Variants in PTPRT observed in about 807,000 individuals in gnomAD.
The protein encoded by PTPRT is protein tyrosine phosphatase receptor type T.
In PTPRT, 56 loss-of-function variants were observed where a neutral mutation model predicts 176.8. The observed-to-expected ratio is 0.32, with a 90% CI of 0.26 to 0.40. PTPRT has a LOEUF of 0.40. Ranked by LOEUF, PTPRT falls within the 10% of genes least tolerant of loss-of-function variation. The pLI, the probability that PTPRT is intolerant of heterozygous loss-of-function variation, is 1.00. For synonymous variants in PTPRT, 783 were observed against 739.0 expected (o/e 1.06, Z -0.96); for missense variants, 1,540 against 1,908.2 (o/e 0.81, Z 3.60).
At chr20:42,840,475 C>G (rs151319802) in intron 2 of PTPRT, among the ~76,000 whole-genome samples, 2 of 151,920 alleles carry the variant, frequency 1.3e-5, no homozygotes, top group Admixed American at 1.3e-4. Context: ...TGCAATGGTG[C>G]GATCTTGGCT....
At chr20:43,157,469 G>A (rs1240658472) in intron 1 of PTPRT, among the ~76,000 whole-genome samples, 2 of 152,200 alleles carry the variant, frequency 1.3e-5, no homozygotes, top group Non-Finnish European at 2.9e-5. Flanking sequence ...ACACTGTAAA[G>A]GTAGAACCTT....
intron 9 of PTPRT, among the ~76,000 whole-genome samples, chr20:42,393,863 C>T (rs1416161476): frequency 6.6e-6 from 1 of 152,194 alleles, no homozygotes; most frequent in East Asian, 1.9e-4. Flanking sequence ...TGACTGTATT[C>T]GCAAGCGTTG....
At chr20:42,147,960 T>C (rs1331444869) in intron 17 of PTPRT, among the ~76,000 whole-genome samples, 1 of 151,978 alleles carries the variant, frequency 6.6e-6, no homozygotes, top group Non-Finnish European at 1.5e-5. Flanking sequence ...AAAAAAAATA[T>C]GAGGGGGAAA....
At chr20:42,639,451 C>G (rs1368727890) in intron 7 of PTPRT, among the ~76,000 whole-genome samples, 1 of 152,136 alleles carries the variant, frequency 6.6e-6, no homozygotes, top group East Asian at 1.9e-4. Flanking sequence ...AGCCTCTGTT[C>G]TGGCCCTGAA....
chr20:42,271,983 C>A (rs1331742617), intron 13 of PTPRT, among the ~76,000 whole-genome samples: 2 of 152,182 alleles, frequency 1.3e-5, no homozygotes, highest in African/African-American at 4.8e-5. Context: ...AATCATAATA[C>A]TTCTCCCTTA....
chr20:43,103,531 C>A (rs2012476108), intron 1 of PTPRT, among the ~76,000 whole-genome samples: 1 of 151,484 alleles, frequency 6.6e-6, no homozygotes, highest in Non-Finnish European at 1.5e-5. Flanking sequence ...CCACCCTTGC[C>A]ATAAAACCCC....
chr20:42,169,793 A>ACACACACAC (rs1568638865), intron 16 of PTPRT, among the ~76,000 whole-genome samples: 996 of 67,118 alleles, frequency 0.015, 27 homozygotes, highest in Middle Eastern at 0.033. Flanking sequence ...CACACACACA[A>ACACACACAC]CAGTCAGTAT....
At chr20:42,491,455 G>A (rs550909691) in intron 7 of PTPRT, among the ~76,000 whole-genome samples, 12 of 152,278 alleles carry the variant, frequency 7.9e-5, no homozygotes, top group Admixed American at 5.9e-4. Context: ...GTGGTTGACT[G>A]TAATTGCAAC....
chr20:42,613,659 T>A (rs1299364969), intron 7 of PTPRT, among the ~76,000 whole-genome samples: 1 of 152,200 alleles, frequency 6.6e-6, no homozygotes, highest in East Asian at 1.9e-4. Flanking sequence ...TACAGGGAAA[T>A]CCTGAATAGG....
In PTPRT at chr20:42,997,818, A is replaced by G. The variant is rs186705204; in HGVS notation, c.89-111886T>C. On this transcript the variant is annotated intron_variant, in intron 1 of 30. Coordinates refer to ENST00000373187, the MANE Select transcript of PTPRT (RefSeq NM_007050.6). Reference sequence around the variant, plus strand: ...AGTCACACAGCTAATAAAGGTCATGACCAGGATTCAATCCGAGGCCTCCAG... The same window carrying G: ...AGTCACACAGCTAATAAAGGTCATGGCCAGGATTCAATCCGAGGCCTCCAG... Among the ~76,000 whole-genome samples the G allele has an allele frequency of 1.4e-3, 207 of 152,278 alleles. 1 individual carries two copies. The highest frequency in any genetic ancestry group is 2.4e-3 in the Non-Finnish European group (164 of 68,028).
In PTPRT at chr20:42,328,590, G is replaced by C. The variant is rs965334568; in HGVS notation, c.1866-12594C>G. Among the ~76,000 whole-genome samples the C allele has an allele frequency of 2.4e-4, 36 of 152,118 alleles. 1 individual carries two copies. The highest frequency in any genetic ancestry group is 8.8e-5 in the Non-Finnish European group (6 of 68,000). On this transcript the variant is annotated intron_variant, in intron 11 of 30. Coordinates refer to ENST00000373187, the MANE Select transcript of PTPRT (RefSeq NM_007050.6). ...ATAAGTAGATACCAAAAAGGCACTT[G>C]ATAAAATCACTCATTTTAAAAGAGT...
intron 19 of PTPRT, among the ~76,000 whole-genome samples, chr20:42,123,463 G>A (rs558316157): frequency 2.6e-4 from 40 of 152,234 alleles, no homozygotes; most frequent in Non-Finnish European, 4.0e-4. Flanking sequence ...GGCTACTAAT[G>A]GGAAGATGTG....
intron 12 of PTPRT, among the ~76,000 whole-genome samples, chr20:42,310,624 G>T (rs142616157): frequency 1.8e-3 from 277 of 152,150 alleles, no homozygotes; most frequent in African/African-American, 6.0e-3. Context: ...CTTTATTGGA[G>T]ATTTTTTTTT....
At chr20:42,695,304 A>G (rs867026070) in intron 6 of PTPRT, among the ~76,000 whole-genome samples, 4 of 152,152 alleles carry the variant, frequency 2.6e-5, no homozygotes, top group Middle Eastern at 3.2e-3. Flanking sequence ...TTTTACTTTT[A>G]ATTATACTCA....
intron 7 of PTPRT, among the ~76,000 whole-genome samples, chr20:42,645,156 C>A (rs573054414): frequency 7.2e-5 from 11 of 152,280 alleles, no homozygotes; most frequent in South Asian, 4.1e-4. Context: ...TAAGTCAAGA[C>A]AGAGGAGTGT....
intron 7 of PTPRT, among the ~76,000 whole-genome samples, chr20:42,523,305 T>A (rs1467729955): frequency 6.6e-6 from 1 of 152,226 alleles, no homozygotes; most frequent in East Asian, 1.9e-4. Flanking sequence ...AGTCTCATAA[T>A]AATTTGATCG....
intron 15 of PTPRT, among the ~76,000 whole-genome samples, chr20:42,209,589 T>A (rs1471546028): frequency 6.6e-6 from 1 of 152,070 alleles, no homozygotes; most frequent in Non-Finnish European, 1.5e-5. Flanking sequence ...CTCCCAAGAC[T>A]AAACCAGGAA....
chr20:42,033,492 A>G, the PTPRT span, among the ~76,000 whole-genome samples: 1 of 152,158 alleles, frequency 6.6e-6, no homozygotes, highest in African/African-American at 2.4e-5. Context: ...ACTTCATGTC[A>G]TGGATGTGGA....
At chr20:42,781,305 T>C (rs1238913507) in intron 3 of PTPRT, among the ~76,000 whole-genome samples, 8 of 152,140 alleles carry the variant, frequency 5.3e-5, no homozygotes, top group Non-Finnish European at 1.0e-4. Context: ...TCCAATCCTG[T>C]ACCTTACACA....
Sources: allele counts gnomAD v4.1 joint callset (sites outside exome capture counted in the v4.1 genomes callset), GRCh38; gene constraint gnomAD v4.1.1; transcripts MANE v1.5; gene names NCBI Gene and HGNC (gene_info 2026-07-23, HGNC 2026-07-21).